Variants in ZDHHC14 observed in about 807,000 individuals in gnomAD.
The protein encoded by ZDHHC14 is palmitoyltransferase ZDHHC14.
Under a neutral mutation model 47.7 loss-of-function variants are expected in ZDHHC14, and 16 were observed. The ratio of observed to expected loss-of-function variants is 0.34; its 90% CI spans 0.23 to 0.51. The LOEUF (loss-of-function observed/expected upper bound fraction) is 0.51, where lower values mean the gene tolerates loss of function less well. Ranked by LOEUF, ZDHHC14 falls within the 20% of genes least tolerant of loss-of-function variation. The pLI is 0.97. For missense variants in ZDHHC14, 515 were observed against 662.5 expected, an observed-to-expected ratio of 0.78 and a Z score of 2.44; for synonymous variants, 293 against 278.9, an observed-to-expected ratio of 1.05 and a Z score of -0.50.
chr6:157,489,991 A>C (rs899769557), intron 1 of ZDHHC14, among the ~76,000 whole-genome samples: 7 of 152,058 alleles, frequency 4.6e-5, no homozygotes, highest in African/African-American at 1.7e-4. Flanking sequence ...GTCATGGGGA[A>C]ATGAGGGATG....
intron 3 of ZDHHC14, among the ~76,000 whole-genome samples, chr6:157,614,578 CTA>C (rs1352430381): frequency 2.0e-5 from 3 of 152,118 alleles, no homozygotes; most frequent in Non-Finnish European, 4.4e-5. Context: ...GAAAAACTCT[CTA>C]TAAATCCTCT....
chr6:157,604,286 T>TAA (rs201921035), intron 3 of ZDHHC14, among the ~76,000 whole-genome samples: 36 of 140,576 alleles, frequency 2.6e-4, no homozygotes, highest in African/African-American at 9.5e-4. Flanking sequence ...AAGCCTGTCT[T>TAA]AAAAAAAAAA....
rs1045465359 is a variant in ZDHHC14 at position 157,637,424 on chromosome 6, C to T, written c.752+4542C>T. On this transcript the variant is annotated intron_variant, in intron 5 of 8. Coordinates refer to ENST00000359775, the MANE Select transcript of ZDHHC14 (RefSeq NM_024630.3). The stretch of plus-strand genomic sequence containing the variant: ...AAACTCAAGACCTCCCAGCCCCTTC[C>T]GCTGCTGAGATCCTGAGAGCTTGAG... Among the ~76,000 whole-genome samples, 5 of 152,322 alleles carry T rather than the reference C, an allele frequency of 3.3e-5. No individual in the cohort carries two copies. In the South Asian group the frequency reaches 6.2e-4, roughly 19 times the overall value.
At chr6:157,385,621 G>C (rs541149408) in intron 1 of ZDHHC14, among the ~76,000 whole-genome samples, 138 of 152,352 alleles carry the variant, frequency 9.1e-4, no homozygotes, top group Middle Eastern at 6.8e-3. Context: ...CTCAGCAACA[G>C]GTGTTGATAC....
intron 1 of ZDHHC14, among the ~76,000 whole-genome samples, chr6:157,410,871 A>G (rs998148440): frequency 2.0e-5 from 3 of 151,910 alleles, no homozygotes; most frequent in African/African-American, 7.3e-5. Context: ...TAATTTTTGT[A>G]TTTTTAGTAG....
intron 2 of ZDHHC14, 57 bp downstream of exon 2, chr6:157,542,802 A>C: frequency 6.3e-7 from 1 of 1,582,580 alleles, no homozygotes; most frequent in Non-Finnish European, 8.6e-7. Context: ...GCCCAGCTAC[A>C]GTGGGGACGG....
At chr6:157,574,177 C>G (rs139518074) in intron 2 of ZDHHC14, among the ~76,000 whole-genome samples, 2,404 of 150,924 alleles carry the variant, frequency 0.016, 65 homozygotes, top group African/African-American at 0.056. Context: ...AATCCCAGCA[C>G]TTTGGGAAGC....
chr6:157,436,049 G>A (rs1013518086), intron 1 of ZDHHC14, among the ~76,000 whole-genome samples: 10 of 152,140 alleles, frequency 6.6e-5, no homozygotes. Context: ...GGCAAGGAGA[G>A]GGCACTGAGT....
chr6:157,604,467 T>C (rs1426214558), intron 3 of ZDHHC14, among the ~76,000 whole-genome samples: 4 of 152,112 alleles, frequency 2.6e-5, no homozygotes, highest in Admixed American at 2.6e-4. Context: ...CTGTGTTTAC[T>C]AGAACAATAC....
intron 3 of ZDHHC14, among the ~76,000 whole-genome samples, chr6:157,600,033 A>C (rs1470449089): frequency 6.6e-6 from 1 of 152,222 alleles, no homozygotes; most frequent in Non-Finnish European, 1.5e-5. Context: ...AAAACTGAAA[A>C]GTTTTATGAA....
chr6:157,515,624 C>G (rs1054542459), intron 1 of ZDHHC14, among the ~76,000 whole-genome samples: 2 of 151,898 alleles, frequency 1.3e-5, no homozygotes, highest in African/African-American at 4.8e-5. Flanking sequence ...CCACCACGCC[C>G]GGCTAATTTT....
Position 157,496,320 on chromosome 6 carries a change from G to C in ZDHHC14, c.246-46265G>C, listed in dbSNP as rs565647725. Among the ~76,000 whole-genome samples the C allele has an allele frequency of 2.0e-5, 3 of 152,214 alleles. No homozygotes were observed. The East Asian group carries it at 5.8e-4, about 30-fold the overall frequency. ...CTCATGTGGCCTGTTGGGTATGGGG[G>C]TGGAGGTGTTCCATTGAGGGCTGGT... On this transcript the variant is annotated intron_variant, in intron 1 of 8. Coordinates refer to ENST00000359775, the MANE Select transcript of ZDHHC14 (RefSeq NM_024630.3).
intron 5 of ZDHHC14, among the ~76,000 whole-genome samples, chr6:157,635,087 G>A (rs993232899): frequency 1.1e-4 from 16 of 151,788 alleles, no homozygotes; most frequent in Non-Finnish European, 1.8e-4. Context: ...TCCGCCTCCC[G>A]GGTTCAAGCG....
rs895680732 is a variant in ZDHHC14, at chr6:157,610,001, GA to G, written c.565+16857del. Among the ~76,000 whole-genome samples the G allele has an allele frequency of 2.6e-5, 4 of 152,214 alleles. No homozygotes were observed. In the East Asian group the frequency reaches 7.7e-4, roughly 29 times the overall value. On this transcript the variant is annotated intron_variant, in intron 3 of 8. Transcript: ENST00000359775. The stretch of plus-strand genomic sequence containing the variant: ...AATTTTGCCTCTGACTTTGTGGGGT[GA>G]ATCATTGAAGTTCATCACAGAGGGG...
At chr6:157,424,297 T>C (rs1778172730) in intron 1 of ZDHHC14, among the ~76,000 whole-genome samples, 2 of 152,208 alleles carry the variant, frequency 1.3e-5, no homozygotes, top group African/African-American at 2.4e-5. Flanking sequence ...TGAGAAATTT[T>C]GTTTTGCCTT....
chr6:157,405,141 T>C (rs1178606093), intron 1 of ZDHHC14, among the ~76,000 whole-genome samples: 1 of 152,184 alleles, frequency 6.6e-6, no homozygotes, highest in Non-Finnish European at 1.5e-5. Flanking sequence ...ATATTTTATG[T>C]TAGGGTCTAA....
chr6:157,602,053 T>G (rs1403653929), intron 3 of ZDHHC14, among the ~76,000 whole-genome samples: 2 of 151,562 alleles, frequency 1.3e-5, no homozygotes, highest in African/African-American at 4.9e-5. Flanking sequence ...AATACAAAAA[T>G]TGGCTGGGCA....
chr6:157,445,220 A>T (rs1290326304), intron 1 of ZDHHC14, among the ~76,000 whole-genome samples: 3 of 152,136 alleles, frequency 2.0e-5, no homozygotes, highest in Admixed American at 2.0e-4. Context: ...GTTGAAAATA[A>T]TAGCTCTGAA....
chr6:157,515,936 A>G (rs1178834672), intron 1 of ZDHHC14, among the ~76,000 whole-genome samples: 1 of 152,054 alleles, frequency 6.6e-6, no homozygotes, highest in Non-Finnish European at 1.5e-5. Flanking sequence ...AGCTCGATAC[A>G]TTTTTCCAAA....
Sources: gnomAD v4.1 joint callset for allele counts (sites outside exome capture counted in the v4.1 genomes callset) on GRCh38, gnomAD v4.1.1 for gene constraint, MANE v1.5 for transcripts, NCBI Gene and HGNC (gene_info 2026-07-23, HGNC 2026-07-21) for gene names.